DAB1: variants seen among roughly 807,000 people sequenced by gnomAD.
The protein encoded by DAB1 is disabled homolog 1.
DAB1 carries 15 observed loss-of-function variants against 64.6 expected under a neutral mutation model. The ratio of observed to expected loss-of-function variants is 0.23; its 90% CI spans 0.16 to 0.36. The LOEUF is 0.36. DAB1 is among the 10% of genes least tolerant of loss of function. The pLI, the probability that DAB1 is intolerant of heterozygous loss-of-function variation, is 1.00. For missense variants in DAB1, 596 were observed against 706.7 expected, an observed-to-expected ratio of 0.84 and a Z score of 1.78; for synonymous variants, 235 against 251.9, an observed-to-expected ratio of 0.93 and a Z score of 0.64.
At chr1:57,058,120 G>A (rs1650019410) in intron 9 of DAB1, among the ~76,000 whole-genome samples, 1 of 152,186 alleles carries the variant, frequency 6.6e-6, no homozygotes, top group South Asian at 2.1e-4. Flanking sequence ...CTGAGTTCCT[G>A]ATGTAGGAGG....
At chr1:57,117,851 C>A (rs970391127) in intron 4 of DAB1, among the ~76,000 whole-genome samples, 1 of 139,250 alleles carries the variant, frequency 7.2e-6, no homozygotes, top group African/African-American at 2.7e-5. Context: ...ATAAAAGGCT[C>A]ATGAAAGTAG....
intron 5 of DAB1, among the ~76,000 whole-genome samples, chr1:58,036,846 ATCT>A (rs978626334): frequency 1.3e-5 from 2 of 152,202 alleles, no homozygotes; most frequent in Admixed American, 6.5e-5. Context: ...AGCCTAGATT[ATCT>A]TCTTCTCCCT....
chr1:57,031,172 A>T (rs1249866677), intron 9 of DAB1, among the ~76,000 whole-genome samples: 1 of 152,214 alleles, frequency 6.6e-6, no homozygotes, highest in Admixed American at 6.5e-5. Context: ...ATTTCATTCC[A>T]TTGGTTTGCT....
chr1:57,484,773 G>T (rs1405216655), intron 7 of DAB1, among the ~76,000 whole-genome samples: 2 of 151,998 alleles, frequency 1.3e-5, no homozygotes, highest in Non-Finnish European at 2.9e-5. Context: ...CTCAGTACTG[G>T]GATTGTAATT....
chr1:57,663,283 A>C lies in DAB1; in HGVS notation n.552-13618T>G, dbSNP rs534217307. 3.9e-5 allele frequency among the ~76,000 whole-genome samples: 6 copies of C among 152,292 alleles called. No homozygotes were observed. In the East Asian group the frequency reaches 1.2e-3, roughly 29 times the overall value. On this transcript the variant is annotated intron_variant and non_coding_transcript_variant, in intron 6 of 20. Transcript: ENST00000485760. ...GAACAGTGAGGGGGAAGTCCACCCC[A>C]TGATCCAATCACCTCCTACCAGGCC...
intron 2 of DAB1, among the ~76,000 whole-genome samples, chr1:57,179,073 G>GTCA: frequency 6.6e-6 from 1 of 152,294 alleles, no homozygotes; most frequent in East Asian, 1.9e-4. Flanking sequence ...CAACATGAGA[G>GTCA]TCATCAGCAG....
intron 7 of DAB1, among the ~76,000 whole-genome samples, chr1:57,528,793 G>A (rs1014387360): frequency 9.9e-5 from 15 of 151,596 alleles, no homozygotes; most frequent in Non-Finnish European, 2.1e-4. Flanking sequence ...GAAAAGGCCT[G>A]TCAATCGAAA....
chr1:58,353,963 G>A lies in DAB1; in HGVS notation n.258-10560C>T, dbSNP rs575930534. Reference sequence around the variant, plus strand: ...GCATTATGCCATTCTACCTCCCTGCGAAGAAAACAATTCAAAGAACCATTT... The same window carrying A: ...GCATTATGCCATTCTACCTCCCTGCAAAGAAAACAATTCAAAGAACCATTT... On this transcript the variant is annotated intron_variant and non_coding_transcript_variant, in intron 3 of 20. Transcript: ENST00000485760. Among the ~76,000 whole-genome samples the A allele has an allele frequency of 1.2e-4, 19 of 152,226 alleles. 1 individual carries two copies. The highest frequency in any genetic ancestry group is 1.4e-4 in the African/African-American group (6 of 41,546).
chr1:58,432,365 C>G (rs544946564), intron 3 of DAB1, among the ~76,000 whole-genome samples: 4 of 152,180 alleles, frequency 2.6e-5, no homozygotes, highest in Non-Finnish European at 4.4e-5. Context: ...CTAAGTTCCT[C>G]AAAATCAAAG....
chr1:57,324,165 C>T (rs952395109), intron 1 of DAB1, among the ~76,000 whole-genome samples: 4 of 152,152 alleles, frequency 2.6e-5, no homozygotes, highest in Non-Finnish European at 5.9e-5. Context: ...AGGTCAATAG[C>T]ATTCATATGT....
intron 3 of DAB1, among the ~76,000 whole-genome samples, chr1:58,381,430 A>C (rs771488800): frequency 1.3e-5 from 2 of 152,206 alleles, no homozygotes; most frequent in Non-Finnish European, 2.9e-5. Context: ...GAACAGGGGA[A>C]TAACAATAAT....
rs115125525 is a variant in DAB1 at position 57,933,545 on chromosome 1, T to C, written n.388-49383A>G. Among the ~76,000 whole-genome samples, 1,279 of 152,350 alleles carry C rather than the reference T, an allele frequency of 8.4e-3. 13 individuals carry two copies. Among genetic ancestry groups the C allele is most frequent in the African/African-American group, 0.029 (1,210 of 41,574 alleles). On this transcript the variant is annotated intron_variant and non_coding_transcript_variant, in intron 5 of 20. Transcript: ENST00000485760. The stretch of plus-strand genomic sequence containing the variant: ...ATAATATTTTTGAGATTTATCCATA[T>C]ATTGCATGTATCAATGATTTGTTCC...
intron 6 of DAB1, among the ~76,000 whole-genome samples, chr1:57,650,170 C>T (rs1646239801): frequency 6.6e-6 from 1 of 152,130 alleles, no homozygotes; most frequent in Admixed American, 6.5e-5. Flanking sequence ...CAAGGTGTCA[C>T]TCTGTTGCCC....
intron 1 of DAB1, among the ~76,000 whole-genome samples, chr1:57,828,687 C>T (rs1652461618): frequency 1.3e-5 from 2 of 152,162 alleles, no homozygotes; most frequent in Admixed American, 6.5e-5. Flanking sequence ...ATGTATCCTA[C>T]TTTTGACATA....
chr1:58,098,758 C>A (rs944705098), intron 5 of DAB1, among the ~76,000 whole-genome samples: 1 of 152,136 alleles, frequency 6.6e-6, no homozygotes, highest in African/African-American at 2.4e-5. Flanking sequence ...CAACGTGAAG[C>A]CCCGGAGAAG....
chr1:57,284,818 G>A (rs1211441435), intron 2 of DAB1, among the ~76,000 whole-genome samples: 3 of 152,150 alleles, frequency 2.0e-5, no homozygotes, highest in African/African-American at 7.2e-5. Flanking sequence ...ATGACCCTGA[G>A]TGTGACATTA....
At chr1:57,056,934 G>A (rs1183458159) in intron 9 of DAB1, among the ~76,000 whole-genome samples, 1 of 152,150 alleles carries the variant, frequency 6.6e-6, no homozygotes, top group East Asian at 1.9e-4. Context: ...AAGGAAAGCT[G>A]AAGACAGAAA....
intron 2 of DAB1, among the ~76,000 whole-genome samples, chr1:57,160,837 C>A (rs1453568696): frequency 2.6e-5 from 4 of 152,140 alleles, no homozygotes; most frequent in Non-Finnish European, 5.9e-5. Context: ...CATATCCCTC[C>A]TCCTAGTAGC....
intron 7 of DAB1, among the ~76,000 whole-genome samples, chr1:57,495,335 A>G (rs1339702882): frequency 6.6e-6 from 1 of 152,194 alleles, no homozygotes; most frequent in East Asian, 1.9e-4. Context: ...TTTGTTTCCT[A>G]CTTAGTAAGA....
Sources: gnomAD v4.1 joint callset for allele counts (sites outside exome capture counted in the v4.1 genomes callset) on GRCh38, gnomAD v4.1.1 for gene constraint, MANE v1.5 for transcripts, NCBI Gene and HGNC (gene_info 2026-07-23, HGNC 2026-07-21) for gene names.